The following ZNF560 variants were observed in gnomAD, a reference collection of about 807,000 sequenced individuals.
ZNF560 encodes the protein zinc finger protein 560.
In ZNF560, 54 loss-of-function variants were observed where a neutral mutation model predicts 81.8. The ratio of observed to expected loss-of-function variants is 0.66; its 90% CI spans 0.53 to 0.83. The LOEUF is 0.83. ZNF560 is among the 40% of genes least tolerant of loss of function. ZNF560 has a pLI of 0.00. For missense variants in ZNF560, 940 were observed against 932.4 expected, an observed-to-expected ratio of 1.01 and a Z score of -0.11; for synonymous variants, 321 against 317.9, an observed-to-expected ratio of 1.01 and a Z score of -0.10.
intron 7 of ZNF560, 40 bp from the exon 8 acceptor site, chr19:9,469,750 G>T: frequency 6.4e-7 from 1 of 1,564,632 alleles, no homozygotes; most frequent in Non-Finnish European, 8.8e-7. Context: ...AGAGGCTCAT[G>T]CAAGAAATGG....
In ZNF560 at chr19:9,474,308, C is replaced by G; in HGVS notation, c.48G>C (p.Glu16Asp). 1 of 1,613,596 alleles carries G rather than the reference C, an allele frequency of 6.2e-7. No homozygotes were observed. Among genetic ancestry groups the G allele is most frequent in the Non-Finnish European group, 8.5e-7 (1 of 1,179,740 alleles). Residue 16 changes from glutamate to aspartate, a missense_variant, in exon 4 of 10, where the codon GAG (glutamate) becomes GAC (aspartate). By Grantham distance (45) the Glu-to-Asp change is conservative (BLOSUM62 2). Coordinates refer to ENST00000301480, the MANE Select transcript of ZNF560 (RefSeq NM_152476.3). ...TNCYQYSVTFEDTAVDFTQEE... is the reference protein window; with the variant it reads ...TNCYQYSVTFDDTAVDFTQEE... ...CCTGGGTGAAGTCCACAGCTGTATC[C>G]TCAAAGGTCACGGAGTACTAAACCA...
chr19:9,484,054 G>A (rs1275101074), intron 2 of ZNF560, among the ~76,000 whole-genome samples: 1 of 152,096 alleles, frequency 6.6e-6, no homozygotes, highest in Non-Finnish European at 1.5e-5. Flanking sequence ...GATTAAGGGT[G>A]GTGCAAGATG....
Position 9,466,817 on chromosome 19 carries a change from TTTTA to T in ZNF560, c.2126_2129del (p.Ile709AsnfsTer50). On this transcript the variant is annotated frameshift_variant, in exon 10 of 10. Transcript: ENST00000301480. LOFTEE classifies it high-confidence loss of function. The stretch of plus-strand genomic sequence containing the variant: ...TCCCACAGTCCTTACATTTATAGGG[TTTTA>T]TTTTGGTGAGAGTTTTTAAGCGATC... The T allele has an allele frequency of 6.2e-7, 1 of 1,610,598 alleles. No individual in the cohort carries two copies. The highest frequency in any genetic ancestry group is 8.5e-7 in the Non-Finnish European group (1 of 1,179,088).
the ZNF560 span, among the ~76,000 whole-genome samples, chr19:9,451,709 A>G: frequency 1.3e-5 from 2 of 152,228 alleles, no homozygotes; most frequent in African/African-American, 4.8e-5. Context: ...CAAATTATGC[A>G]TCTGACAAAG....
intron 2 of ZNF560, among the ~76,000 whole-genome samples, chr19:9,478,893 A>G (rs2073243016): frequency 1.3e-5 from 2 of 152,206 alleles, no homozygotes; most frequent in Non-Finnish European, 1.5e-5. Flanking sequence ...AGCCAGGTGC[A>G]GTGCCTCATG....
chr19:9,469,649 T>A lies in ZNF560; in HGVS notation c.510A>T (p.Thr170=). 1 of 1,614,170 alleles carries A rather than the reference T, an allele frequency of 6.2e-7. No homozygotes were observed. The highest frequency in any genetic ancestry group is 1.1e-5 in the South Asian group (1 of 91,090). ...ACTCACCTTGGAGAACTCTTGGCAG[T>A]GTGCTCAACTCTTCCTCTTCCTCCA... The part of the protein sequence containing the change: ...SWLEEEEELS[T]LPRVLQEWKM... The change falls in exon 8 of 10, where the codon ACA becomes ACT. Residue 170 remains threonine (T), a synonymous_variant. Coordinates refer to ENST00000301480, the MANE Select transcript of ZNF560 (RefSeq NM_152476.3).
At chr19:9,450,290 C>CA in the ZNF560 span, among the ~76,000 whole-genome samples, 82,103 of 146,510 alleles carry the variant, frequency 0.56, 23,124 homozygotes, top group African/African-American at 0.65. Flanking sequence ...GACTTTGTCT[C>CA]AAAAAAAAAA....
chr19:9,465,374 G>A (rs111277603), downstream of ZNF560, among the ~76,000 whole-genome samples: 15,664 of 152,028 alleles, frequency 0.1, 944 homozygotes, highest in South Asian at 0.2. Context: ...TCTTGACCTC[G>A]TGATCCACCT....
intron 2 of ZNF560, among the ~76,000 whole-genome samples, chr19:9,480,777 C>A (rs558848005): frequency 6.6e-6 from 1 of 151,872 alleles, no homozygotes; most frequent in Non-Finnish European, 1.5e-5. Context: ...CTCATCTGTA[C>A]AAAAAAATGC....
At chr19:9,452,767 A>T in the ZNF560 span, among the ~76,000 whole-genome samples, 1 of 152,198 alleles carries the variant, frequency 6.6e-6, no homozygotes, top group Non-Finnish European at 1.5e-5. Context: ...AGGCTGGGGG[A>T]AGAGGAGAGA....
chr19:9,474,952 T>C (rs2144697012), intron 3 of ZNF560, among the ~76,000 whole-genome samples: 1 of 150,406 alleles, frequency 6.6e-6, no homozygotes, highest in Non-Finnish European at 1.5e-5. Context: ...AGATTACAAG[T>C]GTGAGCCACT....
At chr19:9,489,171 C>T (rs1429291372) in intron 2 of ZNF560, among the ~76,000 whole-genome samples, 2 of 152,262 alleles carry the variant, frequency 1.3e-5, no homozygotes, top group Non-Finnish European at 2.9e-5. Flanking sequence ...AAAGATCACA[C>T]ACAAGGCTGT....
chr19:9,494,477 G>C (rs574521139), intron 2 of ZNF560, among the ~76,000 whole-genome samples: 1 of 152,304 alleles, frequency 6.6e-6, no homozygotes, highest in Admixed American at 6.5e-5. Context: ...GCTCACCCCT[G>C]TAATCCCAGC....
At chr19:9,456,421 G>A in the ZNF560 span, among the ~76,000 whole-genome samples, 6 of 152,316 alleles carry the variant, frequency 3.9e-5, no homozygotes, top group East Asian at 1.2e-3. Flanking sequence ...AGAGCGTATA[G>A]GGCAGCTTCT....
At chr19:9,450,469 C>T in the ZNF560 span, among the ~76,000 whole-genome samples, 8 of 152,162 alleles carry the variant, frequency 5.3e-5, no homozygotes, top group East Asian at 1.5e-3. Flanking sequence ...ACAAAAGGCC[C>T]CTGGAGCTGA....
chr19:9,453,953 G>A, the ZNF560 span, among the ~76,000 whole-genome samples: 26 of 152,332 alleles, frequency 1.7e-4, no homozygotes, highest in East Asian at 4.6e-3. Flanking sequence ...TGAGAAACTG[G>A]CCATAAACAA....
intron 7 of ZNF560, 71 bp downstream of exon 7, chr19:9,470,321 C>T (rs1040571006): frequency 1.3e-6 from 2 of 1,530,396 alleles, no homozygotes; most frequent in African/African-American, 1.4e-5. Flanking sequence ...CATCACTAAT[C>T]CTAGAATACA....
At chr19:9,497,272 G>A (rs959625797) in intron 2 of ZNF560, among the ~76,000 whole-genome samples, 1 of 151,962 alleles carries the variant, frequency 6.6e-6, no homozygotes, top group Non-Finnish European at 1.5e-5. Context: ...TAGTATTACG[G>A]TTTTAGTAAA....
intron 2 of ZNF560, among the ~76,000 whole-genome samples, chr19:9,491,182 G>A (rs1308133950): frequency 1.3e-5 from 2 of 151,996 alleles, no homozygotes; most frequent in African/African-American, 4.8e-5. Context: ...GTGTGATCAC[G>A]GCTCACCACA....
Sources: gnomAD v4.1 joint callset for allele counts (sites outside exome capture counted in the v4.1 genomes callset) on GRCh38, gnomAD v4.1.1 for gene constraint, MANE v1.5 for transcripts, NCBI Gene and HGNC (gene_info 2026-07-23, HGNC 2026-07-21) for gene names.